Variants in DGKG observed in about 807,000 individuals in gnomAD.
The protein encoded by DGKG is diacylglycerol kinase gamma.
Under a neutral mutation model 105.3 loss-of-function variants are expected in DGKG, and 78 were observed. The observed-to-expected ratio is 0.74, with a 90% CI of 0.62 to 0.89. The LOEUF (loss-of-function observed/expected upper bound fraction) is 0.89. Among genes scored for constraint, DGKG ranks in the 40% least tolerant of loss-of-function variants. The pLI, the probability that DGKG is intolerant of heterozygous loss-of-function variation, is 0.00. For missense variants in DGKG, 958 were observed against 1,020.1 expected, an observed-to-expected ratio of 0.94 and a Z score of 0.83; for synonymous variants, 346 against 367.1, an observed-to-expected ratio of 0.94 and a Z score of 0.66.
chr3:186,314,612 G>A (rs991516516), intron 2 of DGKG, among the ~76,000 whole-genome samples: 2 of 152,014 alleles, frequency 1.3e-5, no homozygotes, highest in African/African-American at 4.8e-5. Flanking sequence ...AAATTAGCTG[G>A]GCATGGTGGT....
chr3:186,251,811 T>C lies in DGKG; in HGVS notation c.1709A>G (p.Asn570Ser), dbSNP rs201121366. ...GATGCTGTATGGGACCTGGTCCCCGTTTTCCACTTCCTCTCTGGGGATGAC... is the reference window on the plus strand; with the variant it reads ...GATGCTGTATGGGACCTGGTCCCCGCTTTCCACTTCCTCTCTGGGGATGAC... ...LEVIPREEVE[N>S]GDQVPYSIMN... Residue 570 changes from asparagine (N) to serine (S), a missense_variant, in exon 19 of 25, where the codon AAC becomes AGC. By Grantham distance (46) the Asn-to-Ser change is conservative. Around this residue, in one of 2 missense-constraint regions of DGKG, gnomAD observed 315 missense variants for 400.6 expected, o/e 0.79. Coordinates refer to ENST00000265022, the MANE Select transcript of DGKG (RefSeq NM_001346.3). 1 of 1,613,952 alleles carries C rather than the reference T, an allele frequency of 6.2e-7. No individual in the cohort carries two copies. The highest frequency in any genetic ancestry group is 2.2e-5 in the East Asian group (1 of 44,876).
In DGKG at chr3:186,261,772, TCTTATA is replaced by T; in HGVS notation, c.1270_1275del (p.Tyr424_Lys425del). 1.9e-6 allele frequency: 3 copies of T among 1,598,792 alleles called. No individual in the cohort carries two copies. The highest frequency in any genetic ancestry group is 1.7e-4 in the Middle Eastern group (1 of 5,782). ...GGGTGGGTACCCGGGGTGGGGATGA[TCTTATA>T]CTTGAAAGGTAAAAGAAAAAGAAAT... On this transcript the variant is annotated inframe_deletion and splice_region_variant, in exon 15 of 25. Transcript: ENST00000265022.
At chr3:186,268,553 G>A (rs907355676) in intron 12 of DGKG, among the ~76,000 whole-genome samples, 1 of 152,260 alleles carries the variant, frequency 6.6e-6, no homozygotes, top group Non-Finnish European at 1.5e-5. Context: ...CACACAGACA[G>A]TGGACTGGCC....
chr3:186,225,876 T>G (rs1719837278), intron 20 of DGKG, among the ~76,000 whole-genome samples: 1 of 152,226 alleles, frequency 6.6e-6, no homozygotes, highest in Admixed American at 6.5e-5. Context: ...GCTGGTGTCT[T>G]TGGTTATGAG....
intron 19 of DGKG, among the ~76,000 whole-genome samples, chr3:186,247,153 T>G (rs1008657483): frequency 3.3e-5 from 5 of 152,196 alleles, no homozygotes; most frequent in Non-Finnish European, 5.9e-5. Flanking sequence ...TTAGAAGGAC[T>G]GATAAGGCCA....
In DGKG at chr3:186,330,692, T is replaced by G. The variant is rs189082903; in HGVS notation, c.-248-9985A>C. On this transcript the variant is annotated intron_variant, in intron 1 of 24. Coordinates refer to ENST00000265022, the MANE Select transcript of DGKG (RefSeq NM_001346.3). ...TGATGACAAGAACTGAAGCCCAAGA[T>G]GTAAGACCCCAGTCAAGCCATTCCA... Among the ~76,000 whole-genome samples the G allele has an allele frequency of 5.9e-5, 9 of 152,256 alleles. No homozygotes were observed. In the East Asian group the frequency reaches 1.7e-3, roughly 29 times the overall value.
intron 20 of DGKG, among the ~76,000 whole-genome samples, chr3:186,228,055 C>T (rs1383047271): frequency 6.6e-6 from 1 of 152,140 alleles, no homozygotes; most frequent in Admixed American, 6.5e-5. Context: ...ACTTTAAAAG[C>T]CACCTAAGTT....
chr3:186,317,737 C>T (rs1009648052), intron 2 of DGKG, among the ~76,000 whole-genome samples: 1 of 152,210 alleles, frequency 6.6e-6, no homozygotes, highest in African/African-American at 2.4e-5. Context: ...TCCCATGCTG[C>T]CCACTTCTGA....
At chr3:186,286,741 A>C (rs1578778951) in intron 6 of DGKG, among the ~76,000 whole-genome samples, 1 of 152,312 alleles carries the variant, frequency 6.6e-6, no homozygotes, top group South Asian at 2.1e-4. Context: ...TTTCTGTAAC[A>C]AAAAATTGCA....
At chr3:186,252,478 T>G (rs1721271891) in intron 18 of DGKG, among the ~76,000 whole-genome samples, 1 of 152,246 alleles carries the variant, frequency 6.6e-6, no homozygotes, top group African/African-American at 2.4e-5. Context: ...TTCTCCATTT[T>G]CTGGCGCATG....
At chr3:186,271,009 A>G (rs1010242590) in intron 11 of DGKG, among the ~76,000 whole-genome samples, 3 of 152,178 alleles carry the variant, frequency 2.0e-5, no homozygotes, top group African/African-American at 7.2e-5. Context: ...GGTGGTGCAG[A>G]AGGCGTGGAC....
chr3:186,190,372 G>A (rs755328255), intron 21 of DGKG, among the ~76,000 whole-genome samples: 7 of 152,128 alleles, frequency 4.6e-5, no homozygotes, highest in Non-Finnish European at 8.8e-5. Context: ...CATCAACGAC[G>A]GGATCTAATG....
intron 24 of DGKG, chr3:186,158,461 T>C (rs1395214930): frequency 2.1e-6 from 2 of 970,014 alleles, no homozygotes; most frequent in African/African-American, 3.5e-5. Context: ...TGACTAAATT[T>C]TGTTTATTCA....
chr3:186,159,911 A>G (rs1342053481), intron 24 of DGKG: 1 of 152,352 alleles, frequency 6.6e-6, no homozygotes, highest in Non-Finnish European at 1.5e-5. Context: ...AAGAGTGTAC[A>G]AACACAGAGG....
chr3:186,158,212 C>T (rs1716127081), intron 24 of DGKG: 6 of 710,670 alleles, frequency 8.4e-6, no homozygotes, highest in Non-Finnish European at 1.0e-5. Flanking sequence ...TTCTGCTTCT[C>T]CTAAGATTGT....
intron 21 of DGKG, among the ~76,000 whole-genome samples, chr3:186,195,293 AAAACAAAAAAAC>A (rs1435602948): frequency 7.3e-5 from 8 of 109,010 alleles, no homozygotes; most frequent in Non-Finnish European, 9.2e-5. Flanking sequence ...AAAAAAAAAC[AAAACAAAAAAAC>A]AAACAAAAAA....
At chr3:186,280,352 G>A (rs183097720) in intron 8 of DGKG, among the ~76,000 whole-genome samples, 167 of 152,316 alleles carry the variant, frequency 1.1e-3, no homozygotes, top group Middle Eastern at 6.8e-3. Flanking sequence ...GGTGATTGAG[G>A]AAGATCTCTA....
At chr3:186,328,620 G>C (rs1725459427) in intron 1 of DGKG, among the ~76,000 whole-genome samples, 1 of 148,062 alleles carries the variant, frequency 6.8e-6, no homozygotes, top group Admixed American at 6.8e-5. Flanking sequence ...CTGCCGCCCA[G>C]ACTGGAGTGT....
intron 6 of DGKG, among the ~76,000 whole-genome samples, chr3:186,285,057 C>A (rs1722999879): frequency 6.6e-6 from 1 of 152,202 alleles, no homozygotes; most frequent in Non-Finnish European, 1.5e-5. Flanking sequence ...CAGAATTTTT[C>A]TTCTATTGAG....
Sources: gnomAD v4.1 joint callset for allele counts (sites outside exome capture counted in the v4.1 genomes callset) on GRCh38, gnomAD v4.1.1 for gene constraint, gnomAD v4.1.1 regional missense constraint, MANE v1.5 for transcripts, NCBI Gene and HGNC (gene_info 2026-07-23, HGNC 2026-07-21) for gene names.